PDE1A: variants seen among roughly 807,000 people sequenced by gnomAD.
The protein encoded by PDE1A is phosphodiesterase 1A.
A neutral mutation model predicts 61.7 loss-of-function variants in PDE1A; 35 were observed. That is an observed-to-expected ratio of 0.57 (90% CI 0.43 to 0.75). PDE1A has a LOEUF of 0.75. Ranked by LOEUF, PDE1A falls within the 30% of genes least tolerant of loss-of-function variation. PDE1A has a pLI of 0.00. For missense variants in PDE1A, 597 were observed against 630.6 expected (o/e 0.95, Z 0.57); for synonymous variants, 232 against 213.2 (o/e 1.09, Z -0.77).
the PDE1A span, among the ~76,000 whole-genome samples, chr2:182,609,079 A>G: frequency 6.6e-6 from 1 of 152,126 alleles, no homozygotes; most frequent in Non-Finnish European, 1.5e-5. Flanking sequence ...AAATACACCA[A>G]TCAGCACTCT....
At chr2:182,528,370 T>C in the PDE1A span, among the ~76,000 whole-genome samples, 5 of 152,102 alleles carry the variant, frequency 3.3e-5, no homozygotes, top group Admixed American at 1.3e-4. Flanking sequence ...AATTTGGAAA[T>C]TGAGGGAGAT....
the PDE1A span, among the ~76,000 whole-genome samples, chr2:182,692,137 C>T: frequency 7.9e-5 from 12 of 152,234 alleles, no homozygotes; most frequent in Admixed American, 7.9e-4. Context: ...GGATCTAGAA[C>T]TAGACATACA....
chr2:182,422,747 G>T (rs1703361132), intron 1 of PDE1A, among the ~76,000 whole-genome samples: 1 of 152,174 alleles, frequency 6.6e-6, no homozygotes, highest in Non-Finnish European at 1.5e-5. Context: ...CAGAGATAAA[G>T]ATCTCTGGGA....
chr2:182,174,234 C>A (rs1029360777), intron 13 of PDE1A, among the ~76,000 whole-genome samples: 1 of 152,036 alleles, frequency 6.6e-6, no homozygotes, highest in Non-Finnish European at 1.5e-5. Flanking sequence ...CTGAAAAAGC[C>A]TCTCTAAGTG....
intron 2 of PDE1A, among the ~76,000 whole-genome samples, chr2:182,437,887 T>G (rs950719994): frequency 2.6e-5 from 4 of 151,980 alleles, no homozygotes; most frequent in African/African-American, 9.7e-5. Flanking sequence ...TTATCTTAAA[T>G]TTATGGAGAT....
intron 2 of PDE1A, among the ~76,000 whole-genome samples, chr2:182,261,301 T>C (rs952142483): frequency 1.1e-4 from 16 of 152,314 alleles, no homozygotes; most frequent in Admixed American, 1.3e-4. Flanking sequence ...TGTCAAACCG[T>C]TTCCCTTCTA....
the PDE1A span, among the ~76,000 whole-genome samples, chr2:182,613,558 A>G: frequency 6.6e-6 from 1 of 150,402 alleles, no homozygotes; most frequent in Non-Finnish European, 1.5e-5. Flanking sequence ...GTGAGACTCC[A>G]TCTCAAAAAA....
intron 1 of PDE1A, among the ~76,000 whole-genome samples, chr2:182,372,957 T>C (rs1700197538): frequency 6.6e-6 from 1 of 152,128 alleles, no homozygotes; most frequent in Non-Finnish European, 1.5e-5. Flanking sequence ...AGGCCAGGGA[T>C]CCACTCATGA....
chr2:182,583,293 G>T, the PDE1A span, among the ~76,000 whole-genome samples: 1 of 152,086 alleles, frequency 6.6e-6, no homozygotes, highest in Non-Finnish European at 1.5e-5. Context: ...CAATAATTGA[G>T]GAAATTATCA....
intron 1 of PDE1A, among the ~76,000 whole-genome samples, chr2:182,316,043 A>G (rs1449597422): frequency 6.6e-6 from 1 of 152,192 alleles, no homozygotes; most frequent in Non-Finnish European, 1.5e-5. Flanking sequence ...CAGAGGAGAC[A>G]TCCTGGTGTC....
the PDE1A span, among the ~76,000 whole-genome samples, chr2:182,590,964 T>C: frequency 6.6e-6 from 1 of 152,210 alleles, no homozygotes; most frequent in South Asian, 2.1e-4. Context: ...CTCACCATTG[T>C]GTCCACAGGA....
the PDE1A span, among the ~76,000 whole-genome samples, chr2:182,576,800 T>C: frequency 2.0e-5 from 3 of 152,190 alleles, no homozygotes; most frequent in Non-Finnish European, 4.4e-5. Flanking sequence ...CACCAGTAGA[T>C]AGAAGATGGT....
chr2:182,690,360 C>T, the PDE1A span, among the ~76,000 whole-genome samples: 2 of 152,208 alleles, frequency 1.3e-5, no homozygotes, highest in Non-Finnish European at 2.9e-5. Flanking sequence ...CCCTGGGATG[C>T]AAGGCTGGTT....
chr2:182,422,047 T>C (rs1703311011), intron 1 of PDE1A, among the ~76,000 whole-genome samples: 1 of 152,218 alleles, frequency 6.6e-6, no homozygotes, highest in Non-Finnish European at 1.5e-5. Context: ...AGAAACAGCG[T>C]GATCTGAATG....
chr2:182,424,241 G>A (rs1045602318), intron 1 of PDE1A, among the ~76,000 whole-genome samples: 7 of 152,076 alleles, frequency 4.6e-5, no homozygotes, highest in African/African-American at 1.2e-4. Context: ...CACGGCACCC[G>A]GCCAAATATT....
At chr2:182,455,411 A>G (rs1454538046) in intron 2 of PDE1A, among the ~76,000 whole-genome samples, 1 of 151,804 alleles carries the variant, frequency 6.6e-6, no homozygotes, top group East Asian at 2.0e-4. Flanking sequence ...TACTGGGTAT[A>G]TATCCAAAGG....
At chr2:182,324,029 G>A (rs1300669657) in intron 1 of PDE1A, among the ~76,000 whole-genome samples, 2 of 152,126 alleles carry the variant, frequency 1.3e-5, no homozygotes, top group Non-Finnish European at 2.9e-5. Flanking sequence ...AGAACCATAG[G>A]AGAGTGAAAG....
intron 2 of PDE1A, among the ~76,000 whole-genome samples, chr2:182,248,471 A>G (rs1691153213): frequency 6.6e-6 from 1 of 152,104 alleles, no homozygotes. Flanking sequence ...TGAACTGTGA[A>G]AACTGACCCT....
chr2:182,681,388 C>T, the PDE1A span, among the ~76,000 whole-genome samples: 162 of 151,746 alleles, frequency 1.1e-3, 1 homozygote, highest in African/African-American at 3.8e-3. Context: ...GTTCATTGCA[C>T]CCTCAAACTC....
Sources: allele counts gnomAD v4.1 joint callset (sites outside exome capture counted in the v4.1 genomes callset), GRCh38; gene constraint gnomAD v4.1.1; transcripts MANE v1.5; gene names NCBI Gene and HGNC (gene_info 2026-07-23, HGNC 2026-07-21).